Variants in LSM8 observed in about 807,000 individuals in gnomAD.
LSM8 encodes the protein LSM8 homolog, U6 small nuclear RNA associated.
A neutral mutation model predicts 15.0 loss-of-function variants in LSM8; 14 were observed. The ratio of observed to expected loss-of-function variants is 0.93; its 90% CI spans 0.62 to 1.46. The LOEUF (loss-of-function observed/expected upper bound fraction) is 1.46, where lower values mean the gene tolerates loss of function less well. Ranked by LOEUF, LSM8 falls within the 40% of genes most tolerant of loss-of-function variation. LSM8 has a pLI of 0.00. For missense variants in LSM8, 90 were observed against 115.4 expected (o/e 0.78, Z 1.01); for synonymous variants, 50 against 42.1 (o/e 1.19, Z -0.73).
Position 118,200,340 on chromosome 7 carries a change from G to A in LSM8, c.*8338G>A, listed in dbSNP as rs924205572. 6.6e-6 allele frequency among the ~76,000 whole-genome samples: 1 copy of A among 152,060 alleles called. No homozygotes were observed. Among genetic ancestry groups the A allele is most frequent in the Non-Finnish European group, 1.5e-5 (1 of 68,000 alleles). ...CTTGCTGAATTTGAAGACTATTAAT[G>A]ATGCAGCTCTCACTGGTACAAGTGA... On this transcript the variant is annotated 3_prime_UTR_variant, in exon 4 of 4. Coordinates refer to ENST00000249299, the MANE Select transcript of LSM8 (RefSeq NM_016200.5).
At chr7:118,184,421 C>T (rs1160086893) in intron 1 of LSM8, 167 bp downstream of exon 1, 1 of 762,142 alleles carries the variant, frequency 1.3e-6, no homozygotes, top group Non-Finnish European at 1.9e-6. Flanking sequence ...TCGAGCCTTC[C>T]CGCTGCTGCG....
chr7:118,199,883 T>A lies in LSM8; in HGVS notation c.*7881T>A, dbSNP rs541789260. ...AGGCTGGACTGAGTGGTGAATACGT[T>A]GATATAGCAATTTAATAAATGTGTT... On this transcript the variant is annotated 3_prime_UTR_variant, in exon 4 of 4. Coordinates refer to ENST00000249299, the MANE Select transcript of LSM8 (RefSeq NM_016200.5). Among the ~76,000 whole-genome samples, 1 of 152,248 alleles carries A rather than the reference T, an allele frequency of 6.6e-6. No homozygotes were observed. Among genetic ancestry groups the A allele is most frequent in the African/African-American group, 2.4e-5 (1 of 41,556 alleles).
At position 118,197,528 on chromosome 7, in the gene LSM8, C is replaced by T. The variant is rs1264329731; in HGVS notation, c.*5526C>T. ...GTTGCCAGAAAATGCTGCACTATGG[C>T]TTATTTCACATTTTAAAATAAATGC... On this transcript the variant is annotated 3_prime_UTR_variant, in exon 4 of 4. Coordinates refer to ENST00000249299, the MANE Select transcript of LSM8 (RefSeq NM_016200.5). 1.3e-5 allele frequency among the ~76,000 whole-genome samples: 2 copies of T among 152,050 alleles called. No homozygotes were observed. Among genetic ancestry groups the T allele is most frequent in the African/African-American group, 2.4e-5 (1 of 41,396 alleles).
intron 1 of LSM8, 137 bp from the exon 2 acceptor site, chr7:118,185,517 T>C: frequency 1.4e-6 from 1 of 739,280 alleles, no homozygotes; most frequent in East Asian, 2.6e-5. Context: ...AACGTTTTTA[T>C]GTAGTGAACT....
At position 118,184,190 on chromosome 7, in the gene LSM8, C is replaced by A. The variant is rs78362933; in HGVS notation, c.-34C>A. ...TTTCAGTTCTGCTTGCTGTCGGCAC[C>A]GCTGCGTTACCCGGAACCGCCGGGC... On this transcript the variant is annotated 5_prime_UTR_variant, in exon 1 of 4. Transcript: ENST00000249299. 1 of 1,542,898 alleles carries A rather than the reference C, an allele frequency of 6.5e-7. No individual in the cohort carries two copies. The highest frequency in any genetic ancestry group is 2.0e-5 in the Admixed American group (1 of 50,448).
rs1809106377 is a variant in LSM8, at chr7:118,197,766, C to T, written c.*5764C>T. 6.6e-6 allele frequency among the ~76,000 whole-genome samples: 1 copy of T among 152,092 alleles called. No individual in the cohort carries two copies. The highest frequency in any genetic ancestry group is 2.1e-4 in the South Asian group (1 of 4,824). On this transcript the variant is annotated 3_prime_UTR_variant, in exon 4 of 4. Transcript: ENST00000249299. ...AGGGTCTTGGGCTAGTCCAGTGTAGCATGGCAGTGAAAGGCACAGACTCTG... is the reference window on the plus strand; with the variant it reads ...AGGGTCTTGGGCTAGTCCAGTGTAGTATGGCAGTGAAAGGCACAGACTCTG...
At position 118,192,412 on chromosome 7, in the gene LSM8, T is replaced by C. The variant is rs1260406175; in HGVS notation, c.*410T>C. 1.9e-5 allele frequency: 3 copies of C among 155,170 alleles called. No individual in the cohort carries two copies. Among genetic ancestry groups the C allele is most frequent in the African/African-American group, 7.2e-5 (3 of 41,478 alleles). 9.6% of individuals were successfully genotyped at this position (155,170 alleles called of 1,614,324 possible). A position where few individuals can be genotyped will look rare whatever the true frequency, so the allele number is the denominator to read the frequency against. ...TAGGAAAATCACAGGAGGGTAAATC[T>C]TTGCTGGAGTTATCTGAATCATTGG... On this transcript the variant is annotated 3_prime_UTR_variant, in exon 4 of 4. Coordinates refer to ENST00000249299, the MANE Select transcript of LSM8 (RefSeq NM_016200.5).
At chr7:118,186,178 CAT>C (rs74273930) in intron 2 of LSM8, among the ~76,000 whole-genome samples, 7,592 of 152,094 alleles carry the variant, frequency 0.05, 220 homozygotes, top group Admixed American at 0.088. Flanking sequence ...TATATATACA[CAT>C]ATATATGTAA....
intron 3 of LSM8, chr7:118,191,337 A>G (rs1783399514): frequency 6.6e-6 from 1 of 152,308 alleles, no homozygotes; most frequent in African/African-American, 2.4e-5. Context: ...ACCTGAGCCA[A>G]TCACGTCAAA....
At position 118,195,951 on chromosome 7, in the gene LSM8, T is replaced by C. The variant is rs965202846; in HGVS notation, c.*3949T>C. Among the ~76,000 whole-genome samples the C allele has an allele frequency of 1.3e-5, 2 of 152,204 alleles. No individual in the cohort carries two copies. The highest frequency in any genetic ancestry group is 2.9e-5 in the Non-Finnish European group (2 of 68,030). On this transcript the variant is annotated 3_prime_UTR_variant, in exon 4 of 4. Coordinates refer to ENST00000249299, the MANE Select transcript of LSM8 (RefSeq NM_016200.5). The stretch of plus-strand genomic sequence containing the variant: ...GATATCTAGTACTTATGCTCCATCC[T>C]GTTTATAGGGATTATTGATGTGAGA...
Position 118,192,812 on chromosome 7 carries a change from TAA to T in LSM8, c.*811_*812del, listed in dbSNP as rs1289338545. 1 of 152,182 alleles carries T rather than the reference TAA, an allele frequency of 6.6e-6. No individual in the cohort carries two copies. Among genetic ancestry groups the T allele is most frequent in the Non-Finnish European group, 1.5e-5 (1 of 67,998 alleles). 9.4% of individuals were successfully genotyped at this position (152,182 alleles called of 1,614,324 possible). On this transcript the variant is annotated 3_prime_UTR_variant, in exon 4 of 4. Coordinates refer to ENST00000249299, the MANE Select transcript of LSM8 (RefSeq NM_016200.5). ...TTTATAAATGTGAGTAAATAAACTC[TAA>T]GTTTGTATTGAAGTAGTGCTAGCTA...
chr7:118,188,421 C>G lies in LSM8; in HGVS notation c.200+16C>G. The G allele has an allele frequency of 5.0e-6, 8 of 1,601,998 alleles. No individual in the cohort carries two copies. The highest frequency in any genetic ancestry group is 6.8e-6 in the Non-Finnish European group (8 of 1,172,126). On this transcript the variant is annotated intron_variant, in intron 3 of 3. Transcript: ENST00000249299. ...GTGACAACGTGTAAGTAAAATATATCTGTTAAAATTATAAATGATACTGCC... is the reference window on the plus strand; with the variant it reads ...GTGACAACGTGTAAGTAAAATATATGTGTTAAAATTATAAATGATACTGCC...
Position 118,193,939 on chromosome 7 carries a change from T to C in LSM8, c.*1937T>C, listed in dbSNP as rs1047793099. On this transcript the variant is annotated 3_prime_UTR_variant, in exon 4 of 4. Transcript: ENST00000249299. Reference sequence around the variant, plus strand: ...ACCTTATAAAGCTGTATTTTCCTGATTGATGTTGGAAAAAGCATTCCCAAA... The same window carrying C: ...ACCTTATAAAGCTGTATTTTCCTGACTGATGTTGGAAAAAGCATTCCCAAA... Among the ~76,000 whole-genome samples the C allele has an allele frequency of 6.6e-6, 1 of 152,104 alleles. No homozygotes were observed. Among genetic ancestry groups the C allele is most frequent in the Non-Finnish European group, 1.5e-5 (1 of 67,966 alleles).
rs1809058681 is a variant in LSM8, at chr7:118,195,141, C to G, written c.*3139C>G. 6.6e-6 allele frequency among the ~76,000 whole-genome samples: 1 copy of G among 152,068 alleles called. No homozygotes were observed. The highest frequency in any genetic ancestry group is 2.4e-5 in the African/African-American group (1 of 41,416). Reference sequence around the variant, plus strand: ...TTACCTAAGGTGCTTTAAAAATTTTCTTGGGCCCTACTCGTTGTGGTTCAG... The same window carrying G: ...TTACCTAAGGTGCTTTAAAAATTTTGTTGGGCCCTACTCGTTGTGGTTCAG... On this transcript the variant is annotated 3_prime_UTR_variant, in exon 4 of 4. Transcript: ENST00000249299.
chr7:118,185,572 T>G lies in LSM8; in HGVS notation c.32-82T>G, dbSNP rs1192197412. 1.9e-5 allele frequency: 24 copies of G among 1,263,066 alleles called. No homozygotes were observed. The Admixed American group carries it at 4.2e-4, about 22-fold the overall frequency. 78.2% of individuals were successfully genotyped at this position (1,263,066 alleles called of 1,614,324 possible). A position where few individuals can be genotyped will look rare whatever the true frequency, so the allele number is the denominator to read the frequency against. ...TTATACCTAGTTGTCATATTTATTC[T>G]AAAAATTCAAATCATTCCCTTGCCA... On this transcript the variant is annotated intron_variant, in intron 1 of 3. Coordinates refer to ENST00000249299, the MANE Select transcript of LSM8 (RefSeq NM_016200.5).
chr7:118,195,922 G>A lies in LSM8; in HGVS notation c.*3920G>A, dbSNP rs547694952. Reference sequence around the variant, plus strand: ...AAACTAGCGACAAATTCATTTAATTGTGAGATATCTAGTACTTATGCTCCA... The same window carrying A: ...AAACTAGCGACAAATTCATTTAATTATGAGATATCTAGTACTTATGCTCCA... On this transcript the variant is annotated 3_prime_UTR_variant, in exon 4 of 4. Coordinates refer to ENST00000249299, the MANE Select transcript of LSM8 (RefSeq NM_016200.5). Among the ~76,000 whole-genome samples, 1 of 152,238 alleles carries A rather than the reference G, an allele frequency of 6.6e-6. No individual in the cohort carries two copies. The highest frequency in any genetic ancestry group is 1.5e-5 in the Non-Finnish European group (1 of 68,004).
In LSM8 at chr7:118,201,756, C is replaced by T. The variant is rs993675603; in HGVS notation, c.*9754C>T. Among the ~76,000 whole-genome samples the T allele has an allele frequency of 6.6e-6, 1 of 152,024 alleles. No individual in the cohort carries two copies. Among genetic ancestry groups the T allele is most frequent in the Non-Finnish European group, 1.5e-5 (1 of 67,986 alleles). ...TGAAATATAAAATAAAATTATTGGT[C>T]ATTTCATGTATACATTTGTGGTAAC... On this transcript the variant is annotated 3_prime_UTR_variant, in exon 4 of 4. Coordinates refer to ENST00000249299, the MANE Select transcript of LSM8 (RefSeq NM_016200.5).
chr7:118,187,683 G>T (rs774900018), intron 2 of LSM8, among the ~76,000 whole-genome samples: 112 of 152,174 alleles, frequency 7.4e-4, no homozygotes, highest in Non-Finnish European at 2.9e-4. Context: ...GCCTTTTGTG[G>T]TTCATCTCCT....
intron 2 of LSM8, among the ~76,000 whole-genome samples, chr7:118,187,093 G>C (rs1015988260): frequency 1.3e-5 from 2 of 152,156 alleles, no homozygotes; most frequent in Non-Finnish European, 2.9e-5. Context: ...AAGAAGTTAT[G>C]AATGGATGTT....
Sources: allele counts gnomAD v4.1 joint callset (sites outside exome capture counted in the v4.1 genomes callset), GRCh38; gene constraint gnomAD v4.1.1; transcripts MANE v1.5; gene names NCBI Gene and HGNC (gene_info 2026-07-23, HGNC 2026-07-21).